RPUSD4: variants seen among roughly 807,000 people sequenced by gnomAD.
RPUSD4 encodes pseudouridylate synthase RPUSD4, mitochondrial.
In RPUSD4, 37 loss-of-function variants were observed where a neutral mutation model predicts 35.4. The ratio of observed to expected loss-of-function variants is 1.04; its 90% CI spans 0.80 to 1.37. The LOEUF (loss-of-function observed/expected upper bound fraction) is 1.37. Among genes scored for constraint, RPUSD4 ranks in the 40% most tolerant of loss-of-function variants. The pLI is 0.00. For missense variants in RPUSD4, 507 were observed against 484.9 expected (o/e 1.05, Z -0.43); for synonymous variants, 210 against 192.7 (o/e 1.09, Z -0.74).
At chr11:126,205,446 T>G (rs1949761245) in intron 5 of RPUSD4, 22 bp downstream of exon 5, 1 of 1,613,588 alleles carries the variant, frequency 6.2e-7, no homozygotes, top group African/African-American at 1.3e-5. Context: ...GTGATCCCAC[T>G]GCGGAAAAGT....
chr11:126,209,675 C>T lies in RPUSD4; in HGVS notation c.403G>A (p.Ala135Thr), dbSNP rs909443576. The stretch of plus-strand genomic sequence containing the variant: ...GCCTTGTGGCCATGAAGCATCTTTG[C>T]CAGGATAGGTAGTACATCAGTGATG... ...LCITDVLPIL[A>T]KMLHGHKAEP... Residue 135 changes from alanine to threonine, a missense_variant, in exon 3 of 7, where the codon GCA (alanine) becomes ACA (threonine). Transcript: ENST00000298317. 5.0e-6 allele frequency: 8 copies of T among 1,614,032 alleles called. No homozygotes were observed. The African/African-American group carries it at 1.1e-4, about 22-fold the overall frequency.
rs757530469 is a variant in RPUSD4 at position 126,205,474 on chromosome 11, T to C, written c.790A>G (p.Ile264Val). 16 of 1,614,260 alleles carry C rather than the reference T, an allele frequency of 9.9e-6. No individual in the cohort carries two copies. In the South Asian group the frequency reaches 1.2e-4, roughly 12 times the overall value. Residue 264 changes from isoleucine (I) to valine (V), a missense_variant, in exon 5 of 7, where the codon ATC becomes GTC. Ile to Val is a conservative substitution (Grantham distance 29). Transcript: ENST00000298317. ...GGAAAAGTGACACTCTCACCAGTGA[T>C]GGGCTGGAGCTCCACGAGGGCGGAG... ...LSSALVELQP[I>V]TGIKHQLRVH...
chr11:126,209,881 A>T (rs1378048140), intron 2 of RPUSD4, among the ~76,000 whole-genome samples, 159 bp from the exon 3 acceptor site: 1 of 152,186 alleles, frequency 6.6e-6, no homozygotes, highest in African/African-American at 2.4e-5. Context: ...ATGTCTAGGG[A>T]GCTTATTAGA....
In RPUSD4 at chr11:126,211,056, C is replaced by CTAGGGAGAAAGAAGGAGCCG; in HGVS notation, c.190-21_190-2dup. 1 of 1,611,068 alleles carries CTAGGGAGAAAGAAGGAGCCG rather than the reference C, an allele frequency of 6.2e-7. No homozygotes were observed. On this transcript the variant is annotated splice_acceptor_variant, in intron 1 of 6. Coordinates refer to ENST00000298317, the MANE Select transcript of RPUSD4 (RefSeq NM_032795.3). LOFTEE classifies it high-confidence loss of function. ...TCCGCTGAACAGCGTTTGTGGACAC[C>CTAGGGAGAAAGAAGGAGCCG]TAGGGAGAAAGAAGGAGCCGTGGGG...
intron 2 of RPUSD4, among the ~76,000 whole-genome samples, chr11:126,210,520 T>TACATACATACATACACACAC (rs746246254): frequency 1.0e-4 from 6 of 60,298 alleles, no homozygotes; most frequent in Admixed American, 4.1e-4. Context: ...CCAACATACA[T>TACATACATACATACACACAC]ACACACACAC....
chr11:126,208,024 CTT>C (rs552761189), intron 3 of RPUSD4, among the ~76,000 whole-genome samples: 3 of 145,920 alleles, frequency 2.1e-5, no homozygotes, highest in Admixed American at 6.8e-5. Flanking sequence ...TAGAAAATAT[CTT>C]TTTTTTTTTT....
chr11:126,211,471 T>C lies in RPUSD4; in HGVS notation c.168A>G (p.Glu56=). Residue 56 remains glutamate (E), a synonymous_variant, in exon 1 of 7, where the codon GAA becomes GAG. Transcript: ENST00000298317. ...TCACCGGCTCCTTCTTTGTGTCTTG[T>C]TCCCGTTTCTGGGCTCGGAGCTTCT... ...LAEKLRAQKR[E]QDTKKEPVST... 6 of 1,613,796 alleles carry C rather than the reference T, an allele frequency of 3.7e-6. No individual in the cohort carries two copies. Among genetic ancestry groups the C allele is most frequent in the Non-Finnish European group, 5.1e-6 (6 of 1,179,832 alleles).
chr11:126,210,520 T>TACATACATACACACACACAC (rs746246254), intron 2 of RPUSD4, among the ~76,000 whole-genome samples: 5,152 of 59,906 alleles, frequency 0.086, 120 homozygotes, highest in East Asian at 0.13. Flanking sequence ...CCAACATACA[T>TACATACATACACACACACAC]ACACACACAC....
In RPUSD4 at chr11:126,209,550, AAAC is replaced by A; in HGVS notation, c.525_527del (p.Leu175del). On this transcript the variant is annotated inframe_deletion, in exon 3 of 7. Coordinates refer to ENST00000298317, the MANE Select transcript of RPUSD4 (RefSeq NM_032795.3). Reference sequence around the variant, plus strand: ...ACTTCTTCACCACCTGACGGGTTCTAAACAACTCTTGGACTTGATGTGCCATGT... The same window carrying A: ...ACTTCTTCACCACCTGACGGGTTCTAAACTCTTGGACTTGATGTGCCATGT... 1 of 1,614,228 alleles carries A rather than the reference AAAC, an allele frequency of 6.2e-7. No homozygotes were observed. The highest frequency in any genetic ancestry group is 1.1e-5 in the South Asian group (1 of 91,086).
At position 126,211,042 on chromosome 11, in the gene RPUSD4, G is replaced by T; in HGVS notation, c.203C>A (p.Ala68Asp). 6.2e-7 allele frequency: 1 copy of T among 1,613,568 alleles called. No individual in the cohort carries two copies. Among genetic ancestry groups the T allele is most frequent in the Non-Finnish European group, 8.5e-7 (1 of 1,180,018 alleles). The change falls in exon 2 of 7, where the codon GCT (alanine) becomes GAT (aspartate). Residue 68 changes from alanine (A) to aspartate (D), a missense_variant. Transcript: ENST00000298317. ...TATTTCTTGCACTCTCCGCTGAACA[G>T]CGTTTGTGGACACCTAGGGAGAAAG... is the stretch of plus-strand genomic sequence containing the variant. ...DTKKEPVSTN[A>D]VQRRVQEIVR... is the part of the protein sequence containing the mutation.
chr11:126,205,975 TA>T, intron 3 of RPUSD4, 194 bp from the exon 4 acceptor site: 1 of 463,262 alleles, frequency 2.2e-6, no homozygotes, highest in African/African-American at 2.0e-5. Context: ...TCTTTTTTAC[TA>T]CTAAAGTCAT....
chr11:126,206,382 T>A (rs1949774915), intron 3 of RPUSD4: 1 of 151,308 alleles, frequency 6.6e-6, no homozygotes, highest in Non-Finnish European at 1.5e-5. Flanking sequence ...TGAAACCCCA[T>A]CTCTACTAAA....
chr11:126,211,211 G>A, intron 1 of RPUSD4, 156 bp from the exon 2 acceptor site: 3 of 981,936 alleles, frequency 3.1e-6, no homozygotes, highest in Non-Finnish European at 4.5e-6. Flanking sequence ...ATACCCATCT[G>A]TCTAACCTGC....
rs763609347 is a variant in RPUSD4, at chr11:126,211,617, C to T, written c.22G>A (p.Ala8Thr). The change falls in exon 1 of 7, where the codon GCG (alanine) becomes ACG (threonine). Residue 8 changes from alanine (A) to threonine (T), a missense_variant. By Grantham distance (58) the Ala-to-Thr change is moderately conservative. Coordinates refer to ENST00000298317, the MANE Select transcript of RPUSD4 (RefSeq NM_032795.3). ...TTTCCCCGGATCCAGGGGCCCGACG[C>T]GCTCCACCTGGGCGCCGCCATCTTA... The part of the protein sequence containing the change: MAAPRWS[A>T]SGPWIRGNGQ... 6.2e-7 allele frequency: 1 copy of T among 1,613,440 alleles called. No individual in the cohort carries two copies. The highest frequency in any genetic ancestry group is 8.5e-7 in the Non-Finnish European group (1 of 1,179,852).
At chr11:126,207,555 C>T (rs1459403267) in intron 3 of RPUSD4, among the ~76,000 whole-genome samples, 1 of 152,124 alleles carries the variant, frequency 6.6e-6, no homozygotes, top group Admixed American at 6.5e-5. Context: ...AAAGAATAAA[C>T]AACCTGGGCC....
At position 126,207,613 on chromosome 11, in the gene RPUSD4, A is replaced by C. The variant is rs143656836; in HGVS notation, c.558-1832T>G. 8.5e-3 allele frequency among the ~76,000 whole-genome samples: 1,295 copies of C among 152,348 alleles called. 24 individuals carry two copies. The highest frequency in any genetic ancestry group is 0.03 in the African/African-American group (1,237 of 41,582). ...GAGCTGTAAGCGCTGTAATCCTAGC[A>C]CTTTGATGGACAGATCACTTTAGGT... is the stretch of plus-strand genomic sequence containing the variant. On this transcript the variant is annotated intron_variant, in intron 3 of 6. Coordinates refer to ENST00000298317, the MANE Select transcript of RPUSD4 (RefSeq NM_032795.3).
In RPUSD4 at chr11:126,202,993, C is replaced by T. The variant is rs920897271; in HGVS notation, c.*425G>A. On this transcript the variant is annotated 3_prime_UTR_variant, in exon 7 of 7. Coordinates refer to ENST00000298317, the MANE Select transcript of RPUSD4 (RefSeq NM_032795.3). ...CCTGGATGCTGTGATATTTGTTAAC[C>T]ATTATGTTCTTTCCAACCACGGGAA... 1.6e-5 allele frequency: 3 copies of T among 182,554 alleles called. No individual in the cohort carries two copies. The highest frequency in any genetic ancestry group is 3.5e-5 in the Non-Finnish European group (3 of 85,478). 11.3% of individuals were successfully genotyped at this position (182,554 alleles called of 1,614,324 possible).
Position 126,210,936 on chromosome 11 carries a change from G to T in RPUSD4, c.309C>A (p.Asp103Glu), listed in dbSNP as rs1226984922. The part of the protein sequence containing the change: ...KALTRGILHQ[D>E]KNLVVINKPY... ...GCTTATTGATGACCACAAGGTTCTT[G>T]TCCTGGTGGAGAATTCCTCGGGTCA... The change falls in exon 2 of 7, where the codon GAC (aspartate) becomes GAA (glutamate). Residue 103 changes from aspartate to glutamate, a missense_variant. Physicochemically the swap from Asp to Glu is conservative, Grantham distance 45. Coordinates refer to ENST00000298317, the MANE Select transcript of RPUSD4 (RefSeq NM_032795.3). 1 of 1,614,196 alleles carries T rather than the reference G, an allele frequency of 6.2e-7. No individual in the cohort carries two copies. Among genetic ancestry groups the T allele is most frequent in the Non-Finnish European group, 8.5e-7 (1 of 1,180,034 alleles).
rs1275629937 is a variant in RPUSD4 at position 126,203,280 on chromosome 11, AC to A, written c.*137del. ...CTTTACCTTATCCCACCTGGCTCTTACGCAGTCTGTTCCAAGTGAGAAGTTA... is the reference window on the plus strand; with the variant it reads ...CTTTACCTTATCCCACCTGGCTCTTAGCAGTCTGTTCCAAGTGAGAAGTTA... On this transcript the variant is annotated 3_prime_UTR_variant, in exon 7 of 7. Coordinates refer to ENST00000298317, the MANE Select transcript of RPUSD4 (RefSeq NM_032795.3). 5.4e-6 allele frequency: 7 copies of A among 1,302,886 alleles called. No homozygotes were observed. Among genetic ancestry groups the A allele is most frequent in the Non-Finnish European group, 5.3e-6 (5 of 946,638 alleles). 80.7% of individuals were successfully genotyped at this position (1,302,886 alleles called of 1,614,324 possible). A position where few individuals can be genotyped will look rare whatever the true frequency, so the allele number is the denominator to read the frequency against.
Sources: allele counts gnomAD v4.1 joint callset (sites outside exome capture counted in the v4.1 genomes callset), GRCh38; gene constraint gnomAD v4.1.1; transcripts MANE v1.5; gene names NCBI Gene and HGNC (gene_info 2026-07-23, HGNC 2026-07-21).